MTMR9: variants seen among roughly 807,000 people sequenced by gnomAD.
MTMR9 encodes the protein myotubularin related protein 9.
A neutral mutation model predicts 69.5 loss-of-function variants in MTMR9; 39 were observed. That is an observed-to-expected ratio of 0.56 (90% CI 0.43 to 0.73). The LOEUF is 0.73. Among genes scored for constraint, MTMR9 ranks in the 30% least tolerant of loss-of-function variants. The pLI is 0.00. For missense variants in MTMR9, 900 were observed against 671.2 expected, an observed-to-expected ratio of 1.34 and a Z score of -3.77; for synonymous variants, 354 against 240.8, an observed-to-expected ratio of 1.47 and a Z score of -4.35.
At position 11,306,323 on chromosome 8, in the gene MTMR9, C is replaced by A; in HGVS notation, c.725C>A (p.Ala242Asp). The part of the protein sequence containing the change: ...YIIDTRSLNV[A>D]QQTRAKGGGF... ...ATTGACACCCGATCCCTGAACGTGGCTCAGCAAACTAGAGCCAAAGGAGGT... is the reference window on the plus strand; with the variant it reads ...ATTGACACCCGATCCCTGAACGTGGATCAGCAAACTAGAGCCAAAGGAGGT... Residue 242 changes from alanine (A) to aspartate (D), a missense_variant, in exon 5 of 10, where the codon GCT becomes GAT. Transcript: ENST00000221086. The A allele has an allele frequency of 6.2e-7, 1 of 1,614,050 alleles. No individual in the cohort carries two copies. Among genetic ancestry groups the A allele is most frequent in the Non-Finnish European group, 8.5e-7 (1 of 1,179,966 alleles).
intron 8 of MTMR9, chr8:11,319,104 TAAA>T (rs922392358): frequency 1.4e-5 from 2 of 144,128 alleles, no homozygotes; most frequent in Admixed American, 6.9e-5. Flanking sequence ...AATAAAAAAT[TAAA>T]AAAAAAAACA....
the MTMR9 span, among the ~76,000 whole-genome samples, chr8:11,334,812 A>G: frequency 2.0e-5 from 3 of 152,236 alleles, no homozygotes; most frequent in Non-Finnish European, 2.9e-5. Context: ...AATGTAATCC[A>G]TAACATCAAC....
intron 1 of MTMR9, among the ~76,000 whole-genome samples, chr8:11,288,602 G>A (rs1227481457): frequency 2.0e-5 from 3 of 152,096 alleles, no homozygotes; most frequent in African/African-American, 2.4e-5. Flanking sequence ...CATGTGCAGA[G>A]AAGAGCGAAG....
At position 11,304,999 on chromosome 8, in the gene MTMR9, C is replaced by T. The variant is rs780856778; in HGVS notation, c.576C>T (p.His192=). Residue 192 remains histidine, a synonymous_variant, in exon 4 of 10, where the codon CAC becomes CAT. Transcript: ENST00000221086. ...GCTTCCCAGTACTAAGCTATTACCACAAAAAAAATGGGATGGTAAGTGCAC... is the reference window on the plus strand; with the variant it reads ...GCTTCCCAGTACTAAGCTATTACCATAAAAAAAATGGGATGGTAAGTGCAC... ...GGRFPVLSYY[H]KKNGMVIMRS... 2.5e-6 allele frequency: 4 copies of T among 1,602,348 alleles called. No homozygotes were observed. Among genetic ancestry groups the T allele is most frequent in the African/African-American group, 1.3e-5 (1 of 74,202 alleles).
In MTMR9 at chr8:11,284,934, G is replaced by C. The variant is rs778084688; in HGVS notation, c.46G>C (p.Val16Leu). Reference protein sequence around the residue: ...LIKTPRVDNVVLHRPFYPAVE... With the variant: ...LIKTPRVDNVLLHRPFYPAVE... ...TAAGACCCCGCGGGTGGACAATGTG[G>C]TGCTGCACCGGCCTTTCTACCCGGC... The change falls in exon 1 of 10, where the codon GTG becomes CTG. Residue 16 changes from valine to leucine, a missense_variant. Physicochemically the swap from Val to Leu is conservative, Grantham distance 32. Coordinates refer to ENST00000221086, the MANE Select transcript of MTMR9 (RefSeq NM_015458.4). The C allele has an allele frequency of 5.0e-6, 8 of 1,613,806 alleles. No homozygotes were observed. The highest frequency in any genetic ancestry group is 6.8e-6 in the Non-Finnish European group (8 of 1,179,934).
chr8:11,296,008 G>A (rs1799545597), intron 2 of MTMR9, among the ~76,000 whole-genome samples: 1 of 151,882 alleles, frequency 6.6e-6, no homozygotes, highest in Admixed American at 6.6e-5. Flanking sequence ...GTTTCTTCTT[G>A]AATATACTAG....
intron 1 of MTMR9, 115 bp downstream of exon 1, chr8:11,285,185 G>A: frequency 9.4e-7 from 1 of 1,064,328 alleles, no homozygotes; most frequent in Non-Finnish European, 1.3e-6. Context: ...CCGGCAAGAT[G>A]AGCCCTCTGT....
intron 8 of MTMR9, chr8:11,319,467 G>A (rs1039027080): frequency 7.6e-6 from 4 of 528,910 alleles, no homozygotes; most frequent in Non-Finnish European, 1.3e-5. Flanking sequence ...CCAGCTTCTT[G>A]GAAGCCTGTA....
chr8:11,302,686 G>T (rs951819908), intron 3 of MTMR9, among the ~76,000 whole-genome samples: 11 of 152,062 alleles, frequency 7.2e-5, no homozygotes, highest in African/African-American at 2.4e-4. Context: ...TGTCCATTGT[G>T]ACTACTTCTA....
In MTMR9 at chr8:11,323,870, A is replaced by G. The variant is rs1166640852; in HGVS notation, c.*1082A>G. The stretch of plus-strand genomic sequence containing the variant: ...CAAATATAACTTAAGTGGAGGGGGA[A>G]GTTTATGAATATAATATAGCTCTGT... On this transcript the variant is annotated 3_prime_UTR_variant, in exon 10 of 10. Transcript: ENST00000221086. 2 of 152,184 alleles carry G rather than the reference A, an allele frequency of 1.3e-5. No individual in the cohort carries two copies. The highest frequency in any genetic ancestry group is 2.4e-5 in the African/African-American group (1 of 41,438). 9.4% of individuals were successfully genotyped at this position (152,184 alleles called of 1,614,324 possible). A position where few individuals can be genotyped will look rare whatever the true frequency, so the allele number is the denominator to read the frequency against.
chr8:11,319,393 A>G (rs1363598837), intron 8 of MTMR9: 14 of 316,044 alleles, frequency 4.4e-5, no homozygotes, highest in Non-Finnish European at 7.5e-5. Context: ...GTGTACAGTA[A>G]TGTTCTCTGG....
At chr8:11,321,390 G>C (rs539229925) in intron 9 of MTMR9, 1 of 456,282 alleles carries the variant, frequency 2.2e-6, no homozygotes, top group South Asian at 1.5e-5. Context: ...TGTACTTAAA[G>C]CCACTGTCAC....
rs1296862217 is a variant in MTMR9, at chr8:11,306,220, G to A, written c.622G>A (p.Gly208Ser). Residue 208 changes from glycine to serine, a missense_variant, in exon 5 of 10, where the codon GGT (glycine) becomes AGT (serine). Physicochemically the swap from Gly to Ser is moderately conservative, Grantham distance 56. Coordinates refer to ENST00000221086, the MANE Select transcript of MTMR9 (RefSeq NM_015458.4). ...TATGCGAAGTGGTCAGCCACTCACTGGTACAAACGGGAGGAGGTGCAAGGA... is the reference window on the plus strand; with the variant it reads ...TATGCGAAGTGGTCAGCCACTCACTAGTACAAACGGGAGGAGGTGCAAGGA... ...VIMRSGQPLT[G>S]TNGRRCKEDE... 6.2e-7 allele frequency: 1 copy of A among 1,613,362 alleles called. No individual in the cohort carries two copies. The highest frequency in any genetic ancestry group is 1.7e-5 in the Admixed American group (1 of 59,984).
the MTMR9 span, among the ~76,000 whole-genome samples, chr8:11,337,073 T>C: frequency 1.3e-5 from 2 of 152,170 alleles, no homozygotes; most frequent in South Asian, 2.1e-4. Context: ...TGGACTGTTA[T>C]CTACTGGGAC....
chr8:11,285,776 C>G (rs770671457), intron 1 of MTMR9, among the ~76,000 whole-genome samples: 7 of 152,106 alleles, frequency 4.6e-5, no homozygotes, highest in East Asian at 1.9e-4. Flanking sequence ...TTCAAAATTC[C>G]CATCTCCTTA....
intron 2 of MTMR9, chr8:11,297,930 C>A (rs564046098): frequency 2.2e-6 from 1 of 456,176 alleles, no homozygotes; most frequent in African/African-American, 2.0e-5. Flanking sequence ...CACCCTTCCC[C>A]GAATACATCT....
At chr8:11,288,153 G>T (rs1529858) in intron 1 of MTMR9, among the ~76,000 whole-genome samples, 85,909 of 131,488 alleles carry the variant, frequency 0.65, 29,153 homozygotes, top group East Asian at 0.89. Flanking sequence ...ATTATTCAGC[G>T]AATAGGTGAA....
Position 11,326,251 on chromosome 8 carries a change from G to C in MTMR9, c.*3463G>C, listed in dbSNP as rs1207531761. 1.6e-5 allele frequency: 2 copies of C among 123,088 alleles called. No individual in the cohort carries two copies. Among genetic ancestry groups the C allele is most frequent in the African/African-American group, 5.1e-5 (2 of 39,490 alleles). The allele number at this position is 123,088 out of a possible 1,614,324, so 7.6% of individuals were successfully genotyped here. A position where few individuals can be genotyped will look rare whatever the true frequency, so the allele number is the denominator to read the frequency against. On this transcript the variant is annotated 3_prime_UTR_variant, in exon 10 of 10. Transcript: ENST00000221086. ...TTGTCATTCTAAAGTAGGTCATCAG[G>C]TTCACTTATTATCCGACCTTAATCT...
chr8:11,321,907 A>G (rs1433008174), intron 9 of MTMR9, among the ~76,000 whole-genome samples: 4 of 152,314 alleles, frequency 2.6e-5, no homozygotes, highest in Admixed American at 6.5e-5. Context: ...TGAACTTGCC[A>G]TCCACTGACA....
Sources: allele counts gnomAD v4.1 joint callset (sites outside exome capture counted in the v4.1 genomes callset), GRCh38; gene constraint gnomAD v4.1.1; transcripts MANE v1.5; gene names NCBI Gene and HGNC (gene_info 2026-07-23, HGNC 2026-07-21).